Variants in ZNF727 observed in about 807,000 individuals in gnomAD.
ZNF727 encodes zinc finger protein 727, also known as putative zinc finger protein 727.
In ZNF727, 11 loss-of-function variants were observed where a neutral mutation model predicts 11.5. The ratio of observed to expected loss-of-function variants is 0.95; its 90% CI spans 0.60 to 1.58. ZNF727 has a LOEUF of 1.58. Ranked by LOEUF, ZNF727 falls within the 40% of genes most tolerant of loss-of-function variation. The pLI is 0.00. For synonymous variants in ZNF727, 171 were observed against 196.1 expected, an observed-to-expected ratio of 0.87 and a Z score of 1.07; for missense variants, 533 against 581.7, an observed-to-expected ratio of 0.92 and a Z score of 0.86.
intron 1 of ZNF727, among the ~76,000 whole-genome samples, chr7:64,050,065 A>T (rs1401745356): frequency 1.3e-5 from 2 of 151,734 alleles, no homozygotes; most frequent in African/African-American, 2.4e-5. Context: ...ACATATATAT[A>T]TTTTTCTATA....
chr7:64,048,783 G>T (rs113406358), intron 1 of ZNF727, among the ~76,000 whole-genome samples: 1 of 152,098 alleles, frequency 6.6e-6, no homozygotes, highest in Admixed American at 6.5e-5. Flanking sequence ...ATATGTTCAT[G>T]GGAAGTGACA....
intron 1 of ZNF727, among the ~76,000 whole-genome samples, chr7:64,064,204 C>T (rs10238902): frequency 0.62 from 94,127 of 151,946 alleles, 29,862 homozygotes; most frequent in Non-Finnish European, 0.68. Context: ...GCAGTCTCTC[C>T]ACATGGCTGC....
intron 3 of ZNF727, among the ~76,000 whole-genome samples, chr7:64,074,558 C>T (rs533299902): frequency 7.9e-5 from 12 of 152,118 alleles, no homozygotes; most frequent in African/African-American, 2.4e-4. Context: ...GAGATTTGGT[C>T]GAGATTTGAG....
Position 64,046,598 on chromosome 7 carries a change from C to T in ZNF727, c.3+974C>T, listed in dbSNP as rs370581292. 2.7e-4 allele frequency among the ~76,000 whole-genome samples: 41 copies of T among 152,324 alleles called. 2 individuals are homozygous for T. The South Asian group carries it at 8.3e-3, about 31-fold the overall frequency. ...CTTCACCTTGCACCAGGATTTTAAGCTTCCTGGGTGGGGCCCCCCCAGAAG... is the reference window on the plus strand; with the variant it reads ...CTTCACCTTGCACCAGGATTTTAAGTTTCCTGGGTGGGGCCCCCCCAGAAG... On this transcript the variant is annotated intron_variant, in intron 1 of 3. Coordinates refer to ENST00000456806, the MANE Select transcript of ZNF727 (RefSeq NM_001159522.3).
At chr7:64,048,538 C>T (rs962383605) in intron 1 of ZNF727, among the ~76,000 whole-genome samples, 7 of 152,116 alleles carry the variant, frequency 4.6e-5, no homozygotes, top group Non-Finnish European at 8.8e-5. Flanking sequence ...TAGTGGGCAA[C>T]TCATTATTTT....
At position 64,078,572 on chromosome 7, in the gene ZNF727, C is replaced by T; in HGVS notation, c.*23C>T. On this transcript the variant is annotated 3_prime_UTR_variant, in exon 4 of 4. Transcript: ENST00000456806. ...TAATTCATACTGGAGATAAACCTTACAAATGTAATGAATGTGGAAAAGCTT... is the reference window on the plus strand; with the variant it reads ...TAATTCATACTGGAGATAAACCTTATAAATGTAATGAATGTGGAAAAGCTT... 3 of 1,553,224 alleles carry T rather than the reference C, an allele frequency of 1.9e-6. No homozygotes were observed. The highest frequency in any genetic ancestry group is 1.9e-5 in the Admixed American group (1 of 51,300).
Position 64,083,478 on chromosome 7 carries a change from ACCT to A in ZNF727, c.*4933_*4935del, listed in dbSNP as rs779170087. Among the ~76,000 whole-genome samples the A allele has an allele frequency of 1.3e-5, 2 of 152,046 alleles. No homozygotes were observed. Among genetic ancestry groups the A allele is most frequent in the African/African-American group, 2.4e-5 (1 of 41,392 alleles). ...GCCTATGGGTATGTACAAGGTTATA[ACCT>A]CCTGTTTGCTGAGTTGCAGCTACTT... On this transcript the variant is annotated 3_prime_UTR_variant, in exon 4 of 4. Coordinates refer to ENST00000456806, the MANE Select transcript of ZNF727 (RefSeq NM_001159522.3).
In ZNF727 at chr7:64,064,263, G is replaced by A. The variant is rs183489024; in HGVS notation, c.4-4628G>A. On this transcript the variant is annotated intron_variant, in intron 1 of 3. Coordinates refer to ENST00000456806, the MANE Select transcript of ZNF727 (RefSeq NM_001159522.3). ...AGGCCTCAACCCCCAAGGGCTGCAAGAAGTACTACTTGGTTACTGCTGATG... is the reference window on the plus strand; with the variant it reads ...AGGCCTCAACCCCCAAGGGCTGCAAAAAGTACTACTTGGTTACTGCTGATG... Among the ~76,000 whole-genome samples, 360 of 152,306 alleles carry A rather than the reference G, an allele frequency of 2.4e-3. 1 individual carries two copies. Among genetic ancestry groups the A allele is most frequent in the African/African-American group, 7.8e-3 (326 of 41,574 alleles).
chr7:64,057,827 C>G (rs927770803), intron 1 of ZNF727, among the ~76,000 whole-genome samples: 1 of 152,058 alleles, frequency 6.6e-6, no homozygotes, highest in Non-Finnish European at 1.5e-5. Context: ...AATCTGATCT[C>G]TTAATGCAGT....
rs1313116285 is a variant in ZNF727 at position 64,080,886 on chromosome 7, G to T, written c.*2337G>T. Reference sequence around the variant, plus strand: ...GGGAGTTTTTTGTTTTTTGTTTTTTGTTTTTGTTTTTTTTTTTGTGGTGGT... The same window carrying T: ...GGGAGTTTTTTGTTTTTTGTTTTTTTTTTTTGTTTTTTTTTTTGTGGTGGT... On this transcript the variant is annotated 3_prime_UTR_variant, in exon 4 of 4. Transcript: ENST00000456806. Among the ~76,000 whole-genome samples the T allele has an allele frequency of 1.4e-5, 2 of 147,750 alleles. No individual in the cohort carries two copies. The highest frequency in any genetic ancestry group is 6.9e-5 in the Admixed American group (1 of 14,428).
chr7:64,067,418 C>T (rs1398141080), intron 1 of ZNF727, among the ~76,000 whole-genome samples: 3 of 152,226 alleles, frequency 2.0e-5, no homozygotes, highest in Admixed American at 1.3e-4. Flanking sequence ...AATTATTCTA[C>T]TATAAAGGCA....
rs548700937 is a variant in ZNF727, at chr7:64,083,394, G to T, written c.*4845G>T. Among the ~76,000 whole-genome samples, 15 of 152,328 alleles carry T rather than the reference G, an allele frequency of 9.8e-5. No homozygotes were observed. The South Asian group carries it at 2.9e-3, about 29-fold the overall frequency. ...AAGCCAGTAGTTCTTACCCTGTGGG[G>T]CACTGTGGAAGTGGGTCCTGCAGAC... On this transcript the variant is annotated 3_prime_UTR_variant, in exon 4 of 4. Transcript: ENST00000456806.
chr7:64,077,136 A>G (rs183328781), intron 3 of ZNF727, 140 bp from the exon 4 acceptor site: 5 of 862,100 alleles, frequency 5.8e-6, no homozygotes, highest in African/African-American at 3.4e-5. Flanking sequence ...TGTTAAGCTT[A>G]TATGTCTATA....
chr7:64,063,370 C>A (rs1269942327), intron 1 of ZNF727, among the ~76,000 whole-genome samples: 1 of 152,176 alleles, frequency 6.6e-6, no homozygotes, highest in African/African-American at 2.4e-5. Context: ...GTGATGCTTG[C>A]AGACTTGTAG....
intron 1 of ZNF727, among the ~76,000 whole-genome samples, chr7:64,056,726 C>T (rs1219763993): frequency 6.6e-6 from 1 of 152,102 alleles, no homozygotes. Flanking sequence ...AAATGTACAT[C>T]TTTCTGTTTA....
At chr7:64,046,692 A>G (rs1789513190) in intron 1 of ZNF727, among the ~76,000 whole-genome samples, 1 of 152,216 alleles carries the variant, frequency 6.6e-6, no homozygotes, top group Non-Finnish European at 1.5e-5. Context: ...TTTCTTATAA[A>G]TTACCCAGTC....
intron 1 of ZNF727, among the ~76,000 whole-genome samples, chr7:64,063,288 A>AGT (rs1366844601): frequency 1.3e-5 from 2 of 152,060 alleles, no homozygotes; most frequent in Non-Finnish European, 2.9e-5. Context: ...AAGGGAATCG[A>AGT]GTGTTGTAAT....
chr7:64,062,741 A>G (rs1221298573), intron 1 of ZNF727, among the ~76,000 whole-genome samples: 1 of 119,992 alleles, frequency 8.3e-6, no homozygotes, highest in African/African-American at 2.9e-5. Context: ...CTTTCTACCC[A>G]GAACTTTTTC....
In ZNF727 at chr7:64,082,284, G is replaced by C. The variant is rs1255308757; in HGVS notation, c.*3735G>C. Among the ~76,000 whole-genome samples the C allele has an allele frequency of 6.6e-6, 1 of 152,206 alleles. No individual in the cohort carries two copies. Among genetic ancestry groups the C allele is most frequent in the East Asian group, 1.9e-4 (1 of 5,176 alleles). ...CCCAGGCCTGGAGAACTTGCCCAGT[G>C]AGAATATATGAGAACAGGCACTCAC... On this transcript the variant is annotated 3_prime_UTR_variant, in exon 4 of 4. Coordinates refer to ENST00000456806, the MANE Select transcript of ZNF727 (RefSeq NM_001159522.3).
Sources: gnomAD v4.1 joint callset for allele counts (sites outside exome capture counted in the v4.1 genomes callset) on GRCh38, gnomAD v4.1.1 for gene constraint, MANE v1.5 for transcripts, NCBI Gene and HGNC (gene_info 2026-07-23, HGNC 2026-07-21) for gene names.